The following TPTE2 variants were observed in gnomAD, a reference collection of about 807,000 sequenced individuals.
The protein encoded by TPTE2 is phosphatidylinositol 3,4,5-trisphosphate 3-phosphatase TPTE2.
A neutral mutation model predicts 78.6 loss-of-function variants in TPTE2; 53 were observed. That is an observed-to-expected ratio of 0.67 (90% CI 0.54 to 0.85). The LOEUF (loss-of-function observed/expected upper bound fraction) is 0.85. Ranked by LOEUF, TPTE2 falls within the 40% of genes least tolerant of loss-of-function variation. TPTE2 has a pLI of 0.00. For missense variants in TPTE2, 461 were observed against 623.0 expected (o/e 0.74, Z 2.77); for synonymous variants, 175 against 206.2 (o/e 0.85, Z 1.30).
intron 1 of TPTE2, among the ~76,000 whole-genome samples, chr13:19,534,047 T>C (rs1871050598): frequency 6.6e-6 from 1 of 152,140 alleles, no homozygotes. Context: ...TTACAATGGG[T>C]TTATTAGGAA....
At position 19,424,658 on chromosome 13, in the gene TPTE2, C is replaced by T. The variant is rs191754749; in HGVS notation, c.1466+289G>A. Among the ~76,000 whole-genome samples the T allele has an allele frequency of 3.5e-3, 539 of 152,268 alleles. 1 individual carries two copies. The highest frequency in any genetic ancestry group is 6.3e-3 in the Non-Finnish European group (426 of 68,012). ...TGCTGAGCAGACTCATATTGAACTT[C>T]TCTGGGAGGAATTTACTACCAAACT... On this transcript the variant is annotated intron_variant, in intron 19 of 19. Transcript: ENST00000400230.
At chr13:19,464,399 T>C (rs1010672605) in intron 10 of TPTE2, 57 bp downstream of exon 13, 11 of 1,512,124 alleles carry the variant, frequency 7.3e-6, no homozygotes, top group African/African-American at 2.8e-5. Context: ...ATTAAACTTA[T>C]GACTACACAG....
chr13:19,560,033 G>C, the TPTE2 span: 3 of 546,000 alleles, frequency 5.5e-6, no homozygotes, highest in Non-Finnish European at 9.4e-6. Flanking sequence ...ATGGCCTCGA[G>C]CATCTCCAAG....
intron 3 of TPTE2, among the ~76,000 whole-genome samples, chr13:19,487,942 T>A (rs1189021101): frequency 6.6e-6 from 1 of 152,198 alleles, no homozygotes; most frequent in Non-Finnish European, 1.5e-5. Flanking sequence ...AAAGACTTTG[T>A]GTTTGTGATG....
At chr13:19,546,772 GA>G in the TPTE2 span, among the ~76,000 whole-genome samples, 1 of 151,892 alleles carries the variant, frequency 6.6e-6, no homozygotes, top group African/African-American at 2.4e-5. Flanking sequence ...CTACAGGCAT[GA>G]GCCACCACAC....
At chr13:19,450,696 G>A (rs995239386) in intron 11 of TPTE2, among the ~76,000 whole-genome samples, 1 of 152,148 alleles carries the variant, frequency 6.6e-6, no homozygotes, top group Non-Finnish European at 1.5e-5. Context: ...GAGTATACAG[G>A]TAGAGGAAAA....
At chr13:19,489,653 T>C (rs1880873896) in intron 3 of TPTE2, among the ~76,000 whole-genome samples, 1 of 150,264 alleles carries the variant, frequency 6.7e-6, no homozygotes, top group Non-Finnish European at 1.5e-5. Context: ...TAGATATGTG[T>C]ATATCTATAT....
chr13:19,499,375 C>T lies in TPTE2; in HGVS notation c.11+3849G>A, dbSNP rs1263036053. Among the ~76,000 whole-genome samples, 3 of 151,706 alleles carry T rather than the reference C, an allele frequency of 2.0e-5. No individual in the cohort carries two copies. The East Asian group carries it at 5.8e-4, about 29-fold the overall frequency. ...TTCTCAGCACCACACCACACCTATT[C>T]CAAAATTGACCACATACTTGGAAGT... On this transcript the variant is annotated intron_variant, in intron 1 of 19. Coordinates refer to ENST00000400230, the Ensembl canonical transcript of TPTE2.
At chr13:19,506,160 CTTTTTTTTTTTTTTT>C (rs71092369), upstream of TPTE2, among the ~76,000 whole-genome samples, 2 of 32,850 alleles carry the variant, frequency 6.1e-5, no homozygotes, top group South Asian at 2.9e-3. Context: ...GTATATAAAT[CTTTTTTTTTTTTTTT>C]TTTTTTTTTT....
At chr13:19,489,319 TG>T (rs1317931022) in intron 3 of TPTE2, among the ~76,000 whole-genome samples, 1 of 152,102 alleles carries the variant, frequency 6.6e-6, no homozygotes, top group African/African-American at 2.4e-5. Context: ...AATGCAGGGT[TG>T]CTACAAACCT....
At chr13:19,493,760 A>G in intron 1 of TPTE2, 1 of 497,940 alleles carries the variant, frequency 2.0e-6, no homozygotes, top group South Asian at 2.0e-5. Context: ...CTCAGTCCCA[A>G]TGTGTGACAG....
intron 18 of TPTE2, 127 bp from the exon 22 acceptor site, chr13:19,425,144 T>A (rs2137452983): frequency 2.0e-6 from 1 of 508,738 alleles, no homozygotes; most frequent in Non-Finnish European, 3.4e-6. Context: ...TAGGTAGCAC[T>A]CTGCAATCTA....
chr13:19,457,291 CAT>C (rs1415061369), intron 10 of TPTE2, among the ~76,000 whole-genome samples: 3 of 152,102 alleles, frequency 2.0e-5, no homozygotes, highest in African/African-American at 7.2e-5. Flanking sequence ...CCTCAATAAA[CAT>C]GTGGTTATAG....
intron 16 of TPTE2, among the ~76,000 whole-genome samples, chr13:19,431,591 A>G (rs190832959): frequency 3.2e-4 from 49 of 152,242 alleles, no homozygotes; most frequent in Admixed American, 7.9e-4. Flanking sequence ...TTTTCATTTA[A>G]TTTTGTTTTC....
intron 15 of TPTE2, among the ~76,000 whole-genome samples, chr13:19,433,319 C>G (rs1161235104): frequency 1.3e-5 from 2 of 152,120 alleles, no homozygotes; most frequent in African/African-American, 4.8e-5. Context: ...GCCTCGCCAA[C>G]AGGGTGAAAC....
chr13:19,522,789 AT>A (rs1566076244), intron 1 of TPTE2, among the ~76,000 whole-genome samples: 1 of 150,738 alleles, frequency 6.6e-6, no homozygotes, highest in South Asian at 2.1e-4. Flanking sequence ...TGTCAAGCTA[AT>A]TTTTTTGTAT....
At chr13:19,532,286 T>C (rs1447268638) in intron 1 of TPTE2, among the ~76,000 whole-genome samples, 3 of 152,176 alleles carry the variant, frequency 2.0e-5, no homozygotes, top group African/African-American at 7.2e-5. Context: ...GTGATGGTAT[T>C]AAGAGGTGGG....
At chr13:19,484,615 A>G (rs1880546734) in intron 3 of TPTE2, among the ~76,000 whole-genome samples, 1 of 152,196 alleles carries the variant, frequency 6.6e-6, no homozygotes, top group Admixed American at 6.5e-5. Flanking sequence ...CTTTAGATCT[A>G]TTAATATTCA....
upstream of TPTE2, among the ~76,000 whole-genome samples, chr13:19,503,759 G>A (rs569026406): frequency 6.6e-6 from 1 of 152,268 alleles, no homozygotes; most frequent in South Asian, 2.1e-4. Flanking sequence ...CTATATTGTG[G>A]CAGAGTTCTG....
Sources: gnomAD v4.1 joint callset for allele counts (sites outside exome capture counted in the v4.1 genomes callset) on GRCh38, gnomAD v4.1.1 for gene constraint, MANE v1.5 for transcripts, NCBI Gene and HGNC (gene_info 2026-07-23, HGNC 2026-07-21) for gene names.